Variants in PP2D1 observed in about 807,000 individuals in gnomAD.
The protein encoded by PP2D1 is protein phosphatase 2C-like domain-containing protein 1.
In PP2D1, 25 loss-of-function variants were observed where a neutral mutation model predicts 30.2. The ratio of observed to expected loss-of-function variants is 0.83; its 90% CI spans 0.60 to 1.16. The LOEUF (loss-of-function observed/expected upper bound fraction) is 1.16. PP2D1 is among the 50% of genes most tolerant of loss of function. The probability of loss-of-function intolerance (pLI) is 0.00; values close to 1 mark genes in which losing one functional copy is unlikely to be tolerated. For missense variants in PP2D1, 760 were observed against 742.4 expected (o/e 1.02, Z -0.28); for synonymous variants, 260 against 258.9 (o/e 1.00, Z -0.04).
downstream of PP2D1, among the ~76,000 whole-genome samples, chr3:19,981,874 G>A (rs1696935321): frequency 6.6e-6 from 1 of 152,164 alleles, no homozygotes; most frequent in Non-Finnish European, 1.5e-5. Flanking sequence ...TTTTGGAGAT[G>A]AGGTCTTCAG....
chr3:19,986,181 A>G lies in PP2D1; in HGVS notation c.1092T>C (p.Gly364=). The change falls in exon 3 of 3, where the codon GGT becomes GGC. Residue 364 remains glycine (G), a splice_region_variant and synonymous_variant. Transcript: ENST00000389050. ...TTCTGCATAAGACTGCTTGCACATT[A>G]CCTAAAAGATTATTTTTTAAAAGAA... ...ISGILHVANT[G]NVQAVLCRNG... The G allele has an allele frequency of 2.3e-5, 34 of 1,461,002 alleles. No individual in the cohort carries two copies. The highest frequency in any genetic ancestry group is 3.1e-5 in the Non-Finnish European group (34 of 1,113,626). The allele number at this position is 1,461,002 out of a possible 1,614,324, so 90.5% of individuals were successfully genotyped here.
chr3:19,998,910 A>G (rs1273415265), intron 2 of PP2D1, among the ~76,000 whole-genome samples: 2 of 152,172 alleles, frequency 1.3e-5, no homozygotes, highest in Non-Finnish European at 2.9e-5. Flanking sequence ...TAGCTAAATC[A>G]TGACCTCAGG....
intron 1 of PP2D1, among the ~76,000 whole-genome samples, chr3:20,007,534 C>T (rs1697334278): frequency 6.6e-6 from 1 of 151,922 alleles, no homozygotes; most frequent in Non-Finnish European, 1.5e-5. Context: ...TTAGGGAGGC[C>T]GAGGCTGTCG....
intron 2 of PP2D1, among the ~76,000 whole-genome samples, chr3:19,986,789 C>A (rs1234881055): frequency 3.9e-5 from 6 of 152,114 alleles, no homozygotes; most frequent in Non-Finnish European, 8.8e-5. Flanking sequence ...AATCCCAGCA[C>A]TTTGGGAGGC....
intron 2 of PP2D1, among the ~76,000 whole-genome samples, chr3:19,993,731 C>CTGTT (rs531963381): frequency 0.011 from 1,680 of 152,030 alleles, 27 homozygotes; most frequent in African/African-American, 0.031. Context: ...CAGAGCAAGA[C>CTGTT]TGTTTGTTTG....
In PP2D1 at chr3:19,996,777, G is replaced by A. The variant is rs1186424601; in HGVS notation, c.1090+4253C>T. Reference sequence around the variant, plus strand: ...GATTTATTCCAGGGATGCAAGGATGGTTCACACAGAAATCAATAAATGTGA... The same window carrying A: ...GATTTATTCCAGGGATGCAAGGATGATTCACACAGAAATCAATAAATGTGA... On this transcript the variant is annotated intron_variant, in intron 2 of 2. Coordinates refer to ENST00000389050, the MANE Select transcript of PP2D1 (RefSeq NM_001252657.2). 3 of 151,968 alleles carry A rather than the reference G, an allele frequency of 2.0e-5. No homozygotes were observed. In the South Asian group the frequency reaches 6.2e-4, roughly 32 times the overall value. 9.4% of individuals were successfully genotyped at this position (151,968 alleles called of 1,614,324 possible).
At chr3:19,987,268 G>A (rs1422375696) in intron 2 of PP2D1, among the ~76,000 whole-genome samples, 1 of 151,910 alleles carries the variant, frequency 6.6e-6, no homozygotes, top group African/African-American at 2.4e-5. Flanking sequence ...ACTTTTTTTG[G>A]TGTATTTTTT....
At chr3:20,008,275 T>C (rs1426925137) in intron 1 of PP2D1, 3 of 153,582 alleles carry the variant, frequency 2.0e-5, no homozygotes, top group African/African-American at 4.8e-5. Flanking sequence ...AGACTTTGAA[T>C]AAAAACAAAA....
In PP2D1 at chr3:19,992,516, A is replaced by C. The variant is rs534544775; in HGVS notation, c.1091-6334T>G. ...TAAAAGCAACTTATTAAACTAGTCCAAATGAACACATTTTCACACCCATGG... is the reference window on the plus strand; with the variant it reads ...TAAAAGCAACTTATTAAACTAGTCCCAATGAACACATTTTCACACCCATGG... On this transcript the variant is annotated intron_variant, in intron 2 of 2. Coordinates refer to ENST00000389050, the MANE Select transcript of PP2D1 (RefSeq NM_001252657.2). Among the ~76,000 whole-genome samples the C allele has an allele frequency of 5.3e-5, 8 of 152,368 alleles. No individual in the cohort carries two copies. The South Asian group carries it at 1.7e-3, about 32-fold the overall frequency.
rs1214565903 is a variant in PP2D1 at position 20,001,845 on chromosome 3, C to T, written c.275G>A (p.Gly92Asp). Reference sequence around the variant, plus strand: ...TTTCTTTCTACCCATCCATTGGAAACCCAGCGTGGCCAGAGCTACATGTTG... The same window carrying T: ...TTTCTTTCTACCCATCCATTGGAAATCCAGCGTGGCCAGAGCTACATGTTG... ...KKQHVALATL[G>D]FQWMGRKKPQ... The change falls in exon 2 of 3, where the codon GGT becomes GAT. Residue 92 changes from glycine (G) to aspartate (D), a missense_variant. Gly to Asp is a moderately conservative substitution (Grantham distance 94). Around this residue, in one of 3 missense-constraint regions of PP2D1, gnomAD observed 374 missense variants for 388.8 expected, o/e 0.96. Transcript: ENST00000389050. 3 of 1,535,198 alleles carry T rather than the reference C, an allele frequency of 2.0e-6. No homozygotes were observed. Among genetic ancestry groups the T allele is most frequent in the East Asian group, 4.9e-5 (2 of 40,924 alleles).
Position 19,985,427 on chromosome 3 carries a change from CTG to C in PP2D1, c.1844_1845del (p.Thr615SerfsTer10), listed in dbSNP as rs1349022419. The C allele has an allele frequency of 5.2e-6, 8 of 1,535,816 alleles. No homozygotes were observed. The Admixed American group carries it at 7.8e-5, about 15-fold the overall frequency. ...ALLAGSRDNI[T>X]VMVIFLNGSE... ...CTTCCATTGAGAAATATTACCATAA[CTG>C]TAATGTTGTCTCTGGAGCCAGCCAG... On this transcript the variant is annotated frameshift_variant, in exon 3 of 3. Coordinates refer to ENST00000389050, the MANE Select transcript of PP2D1 (RefSeq NM_001252657.2). LOFTEE classifies it high-confidence loss of function.
downstream of PP2D1, among the ~76,000 whole-genome samples, chr3:19,982,150 A>G (rs543545665): frequency 4.0e-5 from 6 of 151,750 alleles, no homozygotes; most frequent in South Asian, 8.4e-4. Flanking sequence ...AGGTGGGAGG[A>G]TCTTTTGAGC....
At chr3:19,994,588 C>T (rs1027563578) in intron 2 of PP2D1, among the ~76,000 whole-genome samples, 1 of 152,198 alleles carries the variant, frequency 6.6e-6, no homozygotes, top group Non-Finnish European at 1.5e-5. Flanking sequence ...AAATGCAGTA[C>T]TCTGGATGAC....
chr3:19,982,333 A>G (rs1282213257), downstream of PP2D1, among the ~76,000 whole-genome samples: 1 of 152,192 alleles, frequency 6.6e-6, no homozygotes, highest in African/African-American at 2.4e-5. Flanking sequence ...GTTTGTGTCT[A>G]AGTGTATTTC....
chr3:19,984,286 T>A (rs200703696), downstream of PP2D1: 45 of 431,354 alleles, frequency 1.0e-4, no homozygotes, highest in Non-Finnish European at 2.0e-4. Flanking sequence ...AATGTTCATT[T>A]CTCCTGGTAC....
chr3:20,002,170 T>G, intron 1 of PP2D1, 74 bp from the exon 2 acceptor site: 6 of 929,068 alleles, frequency 6.5e-6, no homozygotes, highest in South Asian at 5.2e-5. Flanking sequence ...CTGTTATCAT[T>G]GCAATTTGAT....
chr3:20,011,644 CA>C (rs1276627855), intron 1 of PP2D1, among the ~76,000 whole-genome samples: 10 of 151,848 alleles, frequency 6.6e-5, no homozygotes, highest in African/African-American at 2.4e-4. Context: ...ACTAAAAATA[CA>C]AAAATTAGCC....
At position 19,986,135 on chromosome 3, in the gene PP2D1, T is replaced by C; in HGVS notation, c.1138A>G (p.Thr380Ala). 1 of 1,529,396 alleles carries C rather than the reference T, an allele frequency of 6.5e-7. No homozygotes were observed. Among genetic ancestry groups the C allele is most frequent in the Non-Finnish European group, 8.7e-7 (1 of 1,144,908 alleles). 94.7% of individuals were successfully genotyped at this position (1,529,396 alleles called of 1,614,324 possible). ...LCRNGKGFCL[T>A]KEHTTRNTNE... ...GTGTTTCGTGTAGTATGTTCTTTGG[T>C]TAGGCAAAAACCTTTCCCATTTCTG... Residue 380 changes from threonine (T) to alanine (A), a missense_variant, in exon 3 of 3, where the codon ACC becomes GCC. Thr to Ala is a moderately conservative substitution (Grantham distance 58). Coordinates refer to ENST00000389050, the MANE Select transcript of PP2D1 (RefSeq NM_001252657.2).
chr3:19,986,192 T>G lies in PP2D1; in HGVS notation c.1091-10A>C. 1 of 1,448,328 alleles carries G rather than the reference T, an allele frequency of 6.9e-7. No individual in the cohort carries two copies. Among genetic ancestry groups the G allele is most frequent in the South Asian group, 1.4e-5 (1 of 69,312 alleles). 89.7% of individuals were successfully genotyped at this position (1,448,328 alleles called of 1,614,324 possible). ...ACTGCTTGCACATTACCTAAAAGAT[T>G]ATTTTTTAAAAGAAGAAATTTTTAT... On this transcript the variant is annotated splice_polypyrimidine_tract_variant and intron_variant, in intron 2 of 2. Transcript: ENST00000389050.
Sources: allele counts gnomAD v4.1 joint callset (sites outside exome capture counted in the v4.1 genomes callset), GRCh38; gene constraint gnomAD v4.1.1; regional missense constraint gnomAD v4.1.1; transcripts MANE v1.5; gene names NCBI Gene and HGNC (gene_info 2026-07-23, HGNC 2026-07-21).